SEMA6D: variants seen among roughly 807,000 people sequenced by gnomAD.
SEMA6D encodes the protein semaphorin 6D.
SEMA6D carries 35 observed loss-of-function variants against 106.6 expected under a neutral mutation model. The ratio of observed to expected loss-of-function variants is 0.33; its 90% CI spans 0.25 to 0.44. The LOEUF (loss-of-function observed/expected upper bound fraction) is 0.44, where lower values mean the gene tolerates loss of function less well. Among genes scored for constraint, SEMA6D ranks in the 20% least tolerant of loss-of-function variants. The pLI is 1.00. For synonymous variants in SEMA6D, 499 were observed against 487.7 expected (o/e 1.02, Z -0.31); for missense variants, 1,185 against 1,345.9 (o/e 0.88, Z 1.87).
intron 1 of SEMA6D, among the ~76,000 whole-genome samples, chr15:47,223,537 T>A (rs1053235424): frequency 5.3e-5 from 8 of 152,066 alleles, no homozygotes; most frequent in African/African-American, 1.7e-4. Context: ...CATTTTGAAC[T>A]GTGCTTCATA....
At chr15:47,732,851 A>G (rs1225957180) in intron 1 of SEMA6D, among the ~76,000 whole-genome samples, 1 of 152,222 alleles carries the variant, frequency 6.6e-6, no homozygotes, top group East Asian at 1.9e-4. Flanking sequence ...CAGGATTCAT[A>G]AAACGACTTC....
intron 2 of SEMA6D, among the ~76,000 whole-genome samples, chr15:47,435,713 A>AT (rs958963462): frequency 2.0e-5 from 3 of 152,040 alleles, no homozygotes; most frequent in African/African-American, 4.8e-5. Flanking sequence ...GAGCTTAGAC[A>AT]TTTTTTAAAA....
intron 1 of SEMA6D, among the ~76,000 whole-genome samples, chr15:47,282,335 G>C (rs945140957): frequency 2.7e-5 from 4 of 146,674 alleles, no homozygotes; most frequent in African/African-American, 1.0e-4. Context: ...TCTTTGTGTC[G>C]GCTTCTTTTG....
intron 4 of SEMA6D, among the ~76,000 whole-genome samples, chr15:47,630,496 A>AT (rs946136212): frequency 3.3e-5 from 5 of 151,420 alleles, no homozygotes; most frequent in Non-Finnish European, 7.4e-5. Context: ...CTTTTTATAG[A>AT]TTTTTTTTGA....
chr15:47,403,110 G>A (rs1204363901), intron 1 of SEMA6D, among the ~76,000 whole-genome samples: 1 of 152,196 alleles, frequency 6.6e-6, no homozygotes, highest in Non-Finnish European at 1.5e-5. Context: ...TCCACCTGAG[G>A]AAGTTTGGAT....
chr15:47,409,157 A>C (rs1199239630), intron 1 of SEMA6D, among the ~76,000 whole-genome samples: 1 of 152,306 alleles, frequency 6.6e-6, no homozygotes, highest in East Asian at 1.9e-4. Context: ...CTGATAGTTT[A>C]TTTAAGCTTG....
rs761315393 is a variant in SEMA6D, at chr15:47,764,283, G to A, written c.1075G>A (p.Glu359Lys). 34 of 1,613,334 alleles carry A rather than the reference G, an allele frequency of 2.1e-5. No homozygotes were observed. The highest frequency in any genetic ancestry group is 4.5e-5 in the East Asian group (2 of 44,864). ...TPDSVWTAVP[E>K]DKVPKPRPGC... ...AGATTCTGTTTGGACAGCAGTTCCC[G>A]AAGACAAAGTGCCAAAGCCAAGGTA... Residue 359 changes from glutamate to lysine, a missense_variant, in exon 11 of 19, where the codon GAA (glutamate) becomes AAA (lysine). By Grantham distance (56) the Glu-to-Lys change is moderately conservative (BLOSUM62 1). Around this residue, in one of 3 missense-constraint regions of SEMA6D, gnomAD observed 291 missense variants for 423.8 expected, o/e 0.69. Coordinates refer to ENST00000536845, the MANE Select transcript of SEMA6D (RefSeq NM_001358351.3).
intron 1 of SEMA6D, among the ~76,000 whole-genome samples, chr15:47,243,337 A>G (rs987740169): frequency 6.6e-6 from 1 of 151,990 alleles, no homozygotes; most frequent in Admixed American, 6.6e-5. Context: ...AACTTCTTAC[A>G]TCATCATTAT....
At chr15:47,208,012 C>A (rs1368125426) in intron 1 of SEMA6D, among the ~76,000 whole-genome samples, 1 of 137,342 alleles carries the variant, frequency 7.3e-6, no homozygotes, top group Non-Finnish European at 1.6e-5. Context: ...CACACACACA[C>A]ACACACACAC....
At chr15:47,601,883 T>C (rs1047494384) in intron 4 of SEMA6D, among the ~76,000 whole-genome samples, 2 of 152,200 alleles carry the variant, frequency 1.3e-5, no homozygotes, top group African/African-American at 4.8e-5. Flanking sequence ...AGACTGTAAG[T>C]TTCAGATCAT....
chr15:47,380,233 A>G (rs2145598787), intron 1 of SEMA6D, among the ~76,000 whole-genome samples: 1 of 152,320 alleles, frequency 6.6e-6, no homozygotes, highest in East Asian at 1.9e-4. Flanking sequence ...CATACACCCG[A>G]TGACAAATTT....
intron 4 of SEMA6D, among the ~76,000 whole-genome samples, chr15:47,646,156 C>A (rs1217753450): frequency 6.6e-6 from 1 of 152,082 alleles, no homozygotes; most frequent in Non-Finnish European, 1.5e-5. Flanking sequence ...TAGTCCCAAC[C>A]CTCTAACCTT....
chr15:47,334,864 T>C (rs918922408), intron 1 of SEMA6D, among the ~76,000 whole-genome samples: 2 of 152,178 alleles, frequency 1.3e-5, no homozygotes, highest in Admixed American at 6.5e-5. Flanking sequence ...AATTGCCTTA[T>C]TGGATATGCA....
chr15:47,460,330 G>A (rs1273241244), intron 2 of SEMA6D, among the ~76,000 whole-genome samples: 2 of 152,082 alleles, frequency 1.3e-5, no homozygotes, highest in African/African-American at 4.8e-5. Flanking sequence ...GATAAGAAGT[G>A]AAGATTTAAG....
At chr15:47,203,191 G>C (rs187770217) in intron 1 of SEMA6D, among the ~76,000 whole-genome samples, 60 of 152,124 alleles carry the variant, frequency 3.9e-4, no homozygotes, top group African/African-American at 1.4e-3. Flanking sequence ...TTGACATGTT[G>C]AGAGGTCTTA....
intron 1 of SEMA6D, among the ~76,000 whole-genome samples, chr15:47,243,287 A>G (rs1459624812): frequency 1.3e-5 from 2 of 152,140 alleles, no homozygotes; most frequent in Non-Finnish European, 2.9e-5. Flanking sequence ...CTTGCATCTC[A>G]TAGCATCAAC....
intron 3 of SEMA6D, among the ~76,000 whole-genome samples, chr15:47,595,599 G>T (rs2076520545): frequency 6.6e-6 from 1 of 152,106 alleles, no homozygotes; most frequent in South Asian, 2.1e-4. Context: ...CTGGCCTCAT[G>T]AAAAGAGTTC....
At chr15:47,400,887 C>A (rs1052649684) in intron 1 of SEMA6D, among the ~76,000 whole-genome samples, 9 of 152,132 alleles carry the variant, frequency 5.9e-5, no homozygotes, top group African/African-American at 2.2e-4. Flanking sequence ...ATCAGGCAGG[C>A]TTTTGTCAAA....
chr15:47,752,300 A>G (rs2081484840), intron 1 of SEMA6D, among the ~76,000 whole-genome samples: 2 of 152,342 alleles, frequency 1.3e-5, no homozygotes, highest in South Asian at 4.1e-4. Flanking sequence ...AGTGTTTTGA[A>G]AAGCTGTGAA....
Sources: gnomAD v4.1 joint callset for allele counts (sites outside exome capture counted in the v4.1 genomes callset) on GRCh38, gnomAD v4.1.1 for gene constraint, gnomAD v4.1.1 regional missense constraint, MANE v1.5 for transcripts, NCBI Gene and HGNC (gene_info 2026-07-23, HGNC 2026-07-21) for gene names.